The following IQCH variants were observed in gnomAD, a reference collection of about 807,000 sequenced individuals.
IQCH encodes the protein IQ motif containing H.
A neutral mutation model predicts 117.0 loss-of-function variants in IQCH; 98 were observed. That is an observed-to-expected ratio of 0.84 (90% CI 0.71 to 0.99). The LOEUF (loss-of-function observed/expected upper bound fraction) is 0.99. IQCH is among the 50% of genes least tolerant of loss of function. IQCH has a pLI of 0.00. For missense variants in IQCH, 1,102 were observed against 1,243.8 expected, an observed-to-expected ratio of 0.89 and a Z score of 1.72; for synonymous variants, 412 against 448.2, an observed-to-expected ratio of 0.92 and a Z score of 1.02.
At chr15:67,307,176 G>A in intron 4 of IQCH, 1 of 963,276 alleles carries the variant, frequency 1.0e-6, no homozygotes, top group Non-Finnish European at 1.3e-6. Context: ...AATTATACCA[G>A]TTCTTTGGTT....
chr15:67,364,805 A>G lies in IQCH; in HGVS notation c.753+4920A>G, dbSNP rs553478191. Among the ~76,000 whole-genome samples, 1 of 152,342 alleles carries G rather than the reference A, an allele frequency of 6.6e-6. No homozygotes were observed. Among genetic ancestry groups the G allele is most frequent in the East Asian group, 1.9e-4 (1 of 5,196 alleles). ...TACTCTTTTCATCTAATAGTTTATC[A>G]TAAACCTTTACATATATGATTTAAA... On this transcript the variant is annotated intron_variant, in intron 8 of 20. Transcript: ENST00000335894. The surrounding 1 kb of genome is among the most constrained non-coding windows in gnomAD (Gnocchi z 4.1).
intron 16 of IQCH, among the ~76,000 whole-genome samples, chr15:67,441,864 A>T (rs1046882251): frequency 1.3e-5 from 2 of 152,196 alleles, no homozygotes; most frequent in African/African-American, 4.8e-5. Flanking sequence ...AAGAAAATAT[A>T]ATAAAAACAA....
At chr15:67,261,789 TA>T (rs1357512596) in intron 2 of IQCH, among the ~76,000 whole-genome samples, 2 of 152,144 alleles carry the variant, frequency 1.3e-5, no homozygotes, top group African/African-American at 2.4e-5. Context: ...ACTGAGATTC[TA>T]AAAGAGAAGA....
Position 67,372,411 on chromosome 15 carries a change from G to T in IQCH, c.1054G>T (p.Val352Phe), listed in dbSNP as rs1284442870. The change falls in exon 9 of 21, where the codon GTC becomes TTC. Residue 352 changes from valine (V) to phenylalanine (F), a missense_variant. Coordinates refer to ENST00000335894, the MANE Select transcript of IQCH (RefSeq NM_001031715.3). The stretch of plus-strand genomic sequence containing the variant: ...CTCAGTGTTAGAGGACCCAGCTCAT[G>T]TCCAAATGCTGATAAATCTTCCAGG... ...LLSVLEDPAH[V>F]QMLINLPGQR... 6.2e-7 allele frequency: 1 copy of T among 1,614,108 alleles called. No individual in the cohort carries two copies. The highest frequency in any genetic ancestry group is 8.5e-7 in the Non-Finnish European group (1 of 1,180,004).
intron 14 of IQCH, among the ~76,000 whole-genome samples, chr15:67,410,290 T>C (rs913829629): frequency 6.6e-6 from 1 of 152,210 alleles, no homozygotes; most frequent in African/African-American, 2.4e-5. Flanking sequence ...TAAAGAGAAT[T>C]TATTATGTCA....
At position 67,413,496 on chromosome 15, in the gene IQCH, A is replaced by G. The variant is rs918202275; in HGVS notation, c.2098-3435A>G. ...TTTTACCAAGAATGTCATTTTTCTGACCTTACTTGAATATATGAGCTGCAG... is the reference window on the plus strand; with the variant it reads ...TTTTACCAAGAATGTCATTTTTCTGGCCTTACTTGAATATATGAGCTGCAG... On this transcript the variant is annotated intron_variant, in intron 14 of 20. Transcript: ENST00000335894. This position sits in a 1 kb window ranked among gnomAD's most constrained non-coding sequence, Gnocchi z 5.0. 12 of 152,052 alleles carry G rather than the reference A, an allele frequency of 7.9e-5. No homozygotes were observed. Among genetic ancestry groups the G allele is most frequent in the Non-Finnish European group, 1.8e-4 (12 of 68,028 alleles). The allele number at this position is 152,052 out of a possible 1,614,324, so 9.4% of individuals were successfully genotyped here.
At chr15:67,272,546 G>A (rs1965942436) in intron 3 of IQCH, among the ~76,000 whole-genome samples, 1 of 152,128 alleles carries the variant, frequency 6.6e-6, no homozygotes, top group African/African-American at 2.4e-5. Flanking sequence ...CTATTATTGT[G>A]TTGCAATCTA....
intron 4 of IQCH, chr15:67,306,755 C>A: frequency 1.0e-6 from 1 of 974,932 alleles, no homozygotes; most frequent in Non-Finnish European, 1.6e-6. Context: ...AAAAGTGAGA[C>A]TCACTGGTGA....
At chr15:67,367,391 T>C (rs1256452723) in intron 8 of IQCH, among the ~76,000 whole-genome samples, 2 of 151,694 alleles carry the variant, frequency 1.3e-5, no homozygotes, top group Non-Finnish European at 2.9e-5. Context: ...TTACAAAAAT[T>C]AGATGGGCGT....
At chr15:67,295,852 A>G (rs1966849310) in intron 4 of IQCH, among the ~76,000 whole-genome samples, 1 of 152,118 alleles carries the variant, frequency 6.6e-6, no homozygotes, top group Admixed American at 6.6e-5. Flanking sequence ...ATTTCCTCTC[A>G]TGAATCGTCA....
chr15:67,373,583 A>G (rs2140795432), intron 10 of IQCH, 150 bp downstream of exon 10: 2 of 692,046 alleles, frequency 2.9e-6, no homozygotes, highest in South Asian at 1.6e-5. Flanking sequence ...ATAACACAGG[A>G]CCCTCGCTTG....
chr15:67,456,056 A>C lies in IQCH; in HGVS notation c.2506-9071A>C, dbSNP rs1729056512. 6.6e-6 allele frequency among the ~76,000 whole-genome samples: 1 copy of C among 152,214 alleles called. No individual in the cohort carries two copies. On this transcript the variant is annotated intron_variant, in intron 16 of 20. Coordinates refer to ENST00000335894, the MANE Select transcript of IQCH (RefSeq NM_001031715.3). The surrounding 1 kb of genome is among the most constrained non-coding windows in gnomAD (Gnocchi z 5.1). ...ATAATAGTTGGGCCATTGGTCTTGA[A>C]AGTAATAGAGGGAGGGTCATAAATG...
chr15:67,377,999 C>T (rs1290644064), intron 10 of IQCH, among the ~76,000 whole-genome samples: 1 of 152,178 alleles, frequency 6.6e-6, no homozygotes, highest in Non-Finnish European at 1.5e-5. Flanking sequence ...TTTTCCAGCT[C>T]ATGTGTACTT....
At chr15:67,400,723 T>A (rs896645017) in intron 14 of IQCH, among the ~76,000 whole-genome samples, 2 of 151,782 alleles carry the variant, frequency 1.3e-5, no homozygotes, top group African/African-American at 2.4e-5. Context: ...GGTCTCGAAC[T>A]CCTGAGCTCA....
At chr15:67,477,044 CTTTTTTTTT>C (rs71455553) in intron 18 of IQCH, among the ~76,000 whole-genome samples, 2 of 71,176 alleles carry the variant, frequency 2.8e-5, no homozygotes, top group Non-Finnish European at 5.0e-5. Flanking sequence ...TCTTTTTCTT[CTTTTTTTTT>C]TTTTTTTTTT....
chr15:67,406,193 A>T lies in IQCH; in HGVS notation c.2097+5888A>T, dbSNP rs943455650. ...AAAGCTTTGAGTAGCCCACCTTCAC[A>T]ATCAGATGTAGCATTAAAAATATGG... is the stretch of plus-strand genomic sequence containing the variant. On this transcript the variant is annotated intron_variant, in intron 14 of 20. Coordinates refer to ENST00000335894, the MANE Select transcript of IQCH (RefSeq NM_001031715.3). The surrounding 1 kb of genome is among the most constrained non-coding windows in gnomAD (Gnocchi z 4.5). The T allele has an allele frequency of 6.6e-6, 1 of 152,220 alleles. No homozygotes were observed. Among genetic ancestry groups the T allele is most frequent in the Non-Finnish European group, 1.5e-5 (1 of 68,040 alleles). The allele number at this position is 152,220 out of a possible 1,614,324, so 9.4% of individuals were successfully genotyped here. A position where few individuals can be genotyped will look rare whatever the true frequency, so the allele number is the denominator to read the frequency against.
In IQCH at chr15:67,395,487, C is replaced by G. The variant is rs1049967398; in HGVS notation, c.1829C>G (p.Ser610Cys). Residue 610 changes from serine (S) to cysteine (C), a missense_variant, in exon 13 of 21, where the codon TCT (serine) becomes TGT (cysteine). Coordinates refer to ENST00000335894, the MANE Select transcript of IQCH (RefSeq NM_001031715.3). The surrounding 1 kb of genome is among the most constrained non-coding windows in gnomAD (Gnocchi z 4.0). The part of the protein sequence containing the change: ...PELAHLYSTK[S>C]GGKRVFDSAN... ...CTAGCTCATCTTTATAGTACCAAATCTGGAGGCAAACGTGTCTTTGACAGT... is the reference window on the plus strand; with the variant it reads ...CTAGCTCATCTTTATAGTACCAAATGTGGAGGCAAACGTGTCTTTGACAGT... 4 of 1,614,056 alleles carry G rather than the reference C, an allele frequency of 2.5e-6. No homozygotes were observed. Among genetic ancestry groups the G allele is most frequent in the Non-Finnish European group, 3.4e-6 (4 of 1,179,970 alleles).
intron 18 of IQCH, among the ~76,000 whole-genome samples, chr15:67,477,044 C>CTTTTTTTTTTTTT (rs71455553): frequency 1.1e-4 from 8 of 71,174 alleles, no homozygotes; most frequent in Non-Finnish European, 1.5e-4. Context: ...TCTTTTTCTT[C>CTTTTTTTTTTTTT]TTTTTTTTTT....
intron 18 of IQCH, among the ~76,000 whole-genome samples, chr15:67,487,635 C>A (rs2083527636): frequency 6.6e-6 from 1 of 152,082 alleles, no homozygotes; most frequent in Non-Finnish European, 1.5e-5. Context: ...CATGGCCCAC[C>A]CGAGACCAAG....
Sources: gnomAD v4.1 joint callset for allele counts (sites outside exome capture counted in the v4.1 genomes callset) on GRCh38, gnomAD v4.1.1 for gene constraint, Gnocchi (gnomAD v3.1) non-coding constraint, MANE v1.5 for transcripts, NCBI Gene and HGNC (gene_info 2026-07-23, HGNC 2026-07-21) for gene names.